The following RANBP2 variants were observed in gnomAD, a reference collection of about 807,000 sequenced individuals.
The protein encoded by RANBP2 is E3 SUMO-protein ligase RanBP2.
A neutral mutation model predicts 303.6 loss-of-function variants in RANBP2; 57 were observed. The observed-to-expected ratio is 0.19, with a 90% confidence interval of 0.15 to 0.23. The LOEUF (loss-of-function observed/expected upper bound fraction) is 0.23. Ranked by LOEUF, RANBP2 falls within the 10% of genes least tolerant of loss-of-function variation. The pLI, the probability that RANBP2 is intolerant of heterozygous loss-of-function variation, is 1.00. For synonymous variants in RANBP2, 1,167 were observed against 1,301.5 expected, an observed-to-expected ratio of 0.90 and a Z score of 2.23; for missense variants, 3,138 against 3,780.8, an observed-to-expected ratio of 0.83 and a Z score of 4.46.
the RANBP2 span, among the ~76,000 whole-genome samples, chr2:109,193,549 G>A: frequency 1.6e-4 from 24 of 152,258 alleles, no homozygotes; most frequent in African/African-American, 5.1e-4. Flanking sequence ...TCCCCATGAT[G>A]TTTCTGAAGC....
chr2:109,512,854 A>G, the RANBP2 span, among the ~76,000 whole-genome samples: 1 of 152,060 alleles, frequency 6.6e-6, no homozygotes, highest in Non-Finnish European at 1.5e-5. Context: ...CCAGCAAGGG[A>G]GCAGCCGCCT....
chr2:109,190,185 T>G, the RANBP2 span, among the ~76,000 whole-genome samples: 1 of 152,244 alleles, frequency 6.6e-6, no homozygotes, highest in Non-Finnish European at 1.5e-5. Flanking sequence ...CTATTTTTTT[T>G]TTTTTGAGAC....
the RANBP2 span, among the ~76,000 whole-genome samples, chr2:109,493,841 C>A: frequency 1.3e-5 from 2 of 152,108 alleles, no homozygotes; most frequent in Non-Finnish European, 2.9e-5. Flanking sequence ...CATCAAGCAA[C>A]CACATAATAC....
At chr2:108,906,505 C>G in the RANBP2 span, 4 of 901,218 alleles carry the variant, frequency 4.4e-6, no homozygotes, top group African/African-American at 6.6e-5. Context: ...GTGTCAGCAG[C>G]CCAGCCCTGA....
the RANBP2 span, among the ~76,000 whole-genome samples, chr2:109,421,825 C>T: frequency 1.3e-5 from 2 of 152,204 alleles, 1 homozygote; most frequent in Non-Finnish European, 2.9e-5. Context: ...TCAGCATGAC[C>T]TGTGACTGGT....
the RANBP2 span, among the ~76,000 whole-genome samples, chr2:109,064,463 A>AAAC: frequency 1.3e-5 from 2 of 148,264 alleles, no homozygotes; most frequent in African/African-American, 5.0e-5. Flanking sequence ...CTCAAAAAAA[A>AAAC]AAAAAAAACA....
At chr2:109,307,427 T>C in the RANBP2 span, among the ~76,000 whole-genome samples, 1 of 132,086 alleles carries the variant, frequency 7.6e-6, no homozygotes, top group Non-Finnish European at 1.5e-5. Flanking sequence ...TGCACTTTTT[T>C]TTTTTATTAT....
chr2:108,863,071 AG>A, the RANBP2 span, among the ~76,000 whole-genome samples: 1 of 152,216 alleles, frequency 6.6e-6, no homozygotes, highest in Non-Finnish European at 1.5e-5. Context: ...TTGCAATATT[AG>A]GTTGTTAATT....
chr2:109,129,693 G>C, the RANBP2 span: 1 of 1,530,274 alleles, frequency 6.5e-7, no homozygotes, highest in Non-Finnish European at 8.7e-7. Flanking sequence ...AGTCGTCGCT[G>C]CTGGACCTGC....
chr2:109,075,355 G>A, the RANBP2 span, among the ~76,000 whole-genome samples: 1 of 150,098 alleles, frequency 6.7e-6, no homozygotes, highest in African/African-American at 2.4e-5. Flanking sequence ...CCCCCGAGTA[G>A]CTAGGATTAC....
the RANBP2 span, among the ~76,000 whole-genome samples, chr2:108,972,776 G>C: frequency 6.6e-6 from 1 of 152,184 alleles, no homozygotes; most frequent in African/African-American, 2.4e-5. Context: ...GACTCAGAAG[G>C]GGGTGAGGAC....
chr2:109,313,954 G>T, the RANBP2 span, among the ~76,000 whole-genome samples: 1 of 152,136 alleles, frequency 6.6e-6, no homozygotes, highest in African/African-American at 2.4e-5. Context: ...TTGTTTTGTA[G>T]GGCACAAGAC....
the RANBP2 span, among the ~76,000 whole-genome samples, chr2:109,399,171 A>G: frequency 6.6e-6 from 1 of 152,032 alleles, no homozygotes; most frequent in Admixed American, 6.5e-5. Flanking sequence ...GTGGTGTGTG[A>G]GCTGATTTTC....
the RANBP2 span, among the ~76,000 whole-genome samples, chr2:109,025,722 C>T: frequency 2.7e-5 from 4 of 150,394 alleles, no homozygotes; most frequent in East Asian, 3.9e-4. Flanking sequence ...GGCGTGAACC[C>T]GGGAGGCAGA....
the RANBP2 span, among the ~76,000 whole-genome samples, chr2:109,249,588 C>CTTTCTTTT: frequency 4.5e-5 from 6 of 134,506 alleles, no homozygotes; most frequent in African/African-American, 1.8e-4. Context: ...TCCTTCCTTT[C>CTTTCTTTT]CTTTCTTTCT....
the RANBP2 span, among the ~76,000 whole-genome samples, chr2:108,814,885 C>G: frequency 2.6e-5 from 4 of 151,970 alleles, no homozygotes; most frequent in Admixed American, 2.6e-4. Flanking sequence ...ATCCACCTGC[C>G]TCTGCCTCCC....
the RANBP2 span, among the ~76,000 whole-genome samples, chr2:109,206,962 T>C: frequency 2.6e-5 from 4 of 152,216 alleles, no homozygotes; most frequent in East Asian, 5.8e-4. Context: ...TATGGTTGCC[T>C]GGAATGAACT....
chr2:109,500,351 G>GC, the RANBP2 span, among the ~76,000 whole-genome samples: 1 of 152,130 alleles, frequency 6.6e-6, no homozygotes, highest in South Asian at 2.1e-4. Context: ...AGCCCAGAGA[G>GC]CCCCTGGGGT....
chr2:108,794,065 G>T, the RANBP2 span, among the ~76,000 whole-genome samples: 1 of 152,064 alleles, frequency 6.6e-6, no homozygotes, highest in African/African-American at 2.4e-5. Context: ...AAAAGAAGAG[G>T]TTATAGAAAT....
Sources: allele counts gnomAD v4.1 joint callset (sites outside exome capture counted in the v4.1 genomes callset), GRCh38; gene constraint gnomAD v4.1.1; transcripts MANE v1.5; gene names NCBI Gene and HGNC (gene_info 2026-07-23, HGNC 2026-07-21).